Variants in P4HA1 observed in about 807,000 individuals in gnomAD.
The protein encoded by P4HA1 is prolyl 4-hydroxylase subunit alpha-1.
In P4HA1, 24 loss-of-function variants were observed where a neutral mutation model predicts 72.8. That is an observed-to-expected ratio of 0.33 (90% confidence interval 0.24 to 0.46). The LOEUF (loss-of-function observed/expected upper bound fraction) is 0.46. Ranked by LOEUF, P4HA1 falls within the 20% of genes least tolerant of loss-of-function variation. P4HA1 has a pLI of 1.00. For missense variants in P4HA1, 446 were observed against 640.6 expected (o/e 0.70, Z 3.28); for synonymous variants, 201 against 218.8 (o/e 0.92, Z 0.72).
At chr10:73,065,899 C>G (rs1291909946) in intron 5 of P4HA1, among the ~76,000 whole-genome samples, 2 of 151,932 alleles carry the variant, frequency 1.3e-5, no homozygotes, top group African/African-American at 2.4e-5. Flanking sequence ...TTAGATGAAT[C>G]TGATCAACAC....
At chr10:73,048,425 G>A (rs1448394603) in intron 7 of P4HA1, among the ~76,000 whole-genome samples, 1 of 152,116 alleles carries the variant, frequency 6.6e-6, no homozygotes, top group Non-Finnish European at 1.5e-5. Flanking sequence ...CACCATGCTC[G>A]GCTAACTTTT....
chr10:73,034,206 C>T (rs1211010417), intron 9 of P4HA1, among the ~76,000 whole-genome samples: 1 of 151,986 alleles, frequency 6.6e-6, no homozygotes, highest in Non-Finnish European at 1.5e-5. Flanking sequence ...AGAATGAGAA[C>T]CTATCTCTAA....
chr10:73,069,220 G>T (rs991111759), intron 4 of P4HA1, among the ~76,000 whole-genome samples: 7 of 152,134 alleles, frequency 4.6e-5, no homozygotes, highest in Non-Finnish European at 1.0e-4. Flanking sequence ...TATATAAATT[G>T]TATCTGTATT....
At position 73,074,920 on chromosome 10, in the gene P4HA1, A is replaced by G. The variant is rs1301641453; in HGVS notation, c.-32-5T>C. The G allele has an allele frequency of 8.9e-6, 8 of 902,422 alleles. No homozygotes were observed. The highest frequency in any genetic ancestry group is 1.4e-5 in the Non-Finnish European group (8 of 557,420). The allele number at this position is 902,422 out of a possible 1,614,324, so 55.9% of individuals were successfully genotyped here. A position where few individuals can be genotyped will look rare whatever the true frequency, so the allele number is the denominator to read the frequency against. ...TAATTTTACAGGATCACACACCTAC[A>G]AAAGAAAGAGAGAAATGCAGCCATT... On this transcript the variant is annotated splice_polypyrimidine_tract_variant and splice_region_variant and intron_variant, in intron 1 of 14. Coordinates refer to ENST00000394890, the MANE Select transcript of P4HA1 (RefSeq NM_001017962.3).
intron 1 of P4HA1, among the ~76,000 whole-genome samples, chr10:73,093,891 TATATATATATATATATACAC>T (rs1239983758): frequency 1.3e-4 from 11 of 82,810 alleles, no homozygotes; most frequent in African/African-American, 4.7e-4. Flanking sequence ...TATATATATA[TATATATATATATATATACAC>T]ACACACACAC....
intron 9 of P4HA1, chr10:73,044,009 G>T: frequency 7.0e-7 from 1 of 1,432,914 alleles, no homozygotes. Context: ...GGCAATTTTG[G>T]GCTTTTTGTT....
At chr10:73,075,355 C>T (rs1183645455) in intron 1 of P4HA1, among the ~76,000 whole-genome samples, 4 of 152,242 alleles carry the variant, frequency 2.6e-5, no homozygotes, top group Middle Eastern at 3.4e-3. Context: ...GTTATCCACC[C>T]GCCTCAGCCT....
chr10:73,073,701 A>AGAGTC, intron 3 of P4HA1, 30 bp downstream of exon 3: 1 of 968,198 alleles, frequency 1.0e-6, no homozygotes, highest in Non-Finnish European at 1.7e-6. Flanking sequence ...AGGTTGAGTC[A>AGAGTC]GAGTCATAAT....
chr10:73,078,511 A>G (rs1277777225), intron 1 of P4HA1, among the ~76,000 whole-genome samples: 1 of 152,162 alleles, frequency 6.6e-6, no homozygotes, highest in Non-Finnish European at 1.5e-5. Context: ...AGAAAAATTA[A>G]CATCATAATA....
At chr10:73,040,476 A>ATT (rs1217054869) in intron 9 of P4HA1, among the ~76,000 whole-genome samples, 1,302 of 123,552 alleles carry the variant, frequency 0.011, 30 homozygotes, top group African/African-American at 0.042. Flanking sequence ...GAATTCATGA[A>ATT]TTTTTTTTTT....
Position 73,020,272 on chromosome 10 carries a change from GCACA to G in P4HA1, c.1249-3377_1249-3374del, listed in dbSNP as rs541717651. ...CAGAGATTATTATGAACACCTCTATGCACACAAACTTTTATAAAAAACCTAGAAG... is the reference window on the plus strand; with the variant it reads ...CAGAGATTATTATGAACACCTCTATGCAAACTTTTATAAAAAACCTAGAAG... On this transcript the variant is annotated intron_variant, in intron 10 of 14. Transcript: ENST00000394890. 4.7e-3 allele frequency among the ~76,000 whole-genome samples: 709 copies of G among 152,090 alleles called. 7 individuals carry two copies. The highest frequency in any genetic ancestry group is 0.016 in the African/African-American group (665 of 41,496).
chr10:73,013,755 T>C (rs993138935), intron 12 of P4HA1, among the ~76,000 whole-genome samples: 1 of 152,162 alleles, frequency 6.6e-6, no homozygotes, highest in Non-Finnish European at 1.5e-5. Context: ...GGTTGTAATA[T>C]GCTATTTCTT....
chr10:73,093,139 A>G (rs544496085), intron 1 of P4HA1, among the ~76,000 whole-genome samples: 59 of 150,026 alleles, frequency 3.9e-4, no homozygotes, highest in Middle Eastern at 3.4e-3. Flanking sequence ...AAAAAAAAAG[A>G]GAGAGTAAGG....
rs182235000 is a variant in P4HA1, at chr10:73,060,604, G to A, written c.464-7014C>T. On this transcript the variant is annotated intron_variant, in intron 5 of 14. Coordinates refer to ENST00000394890, the MANE Select transcript of P4HA1 (RefSeq NM_001017962.3). ...ATCTCTTAAGGGGGGAAAAAGAAGGGCCAAGGCTCATTGAAGAAATGCCTA... is the reference window on the plus strand; with the variant it reads ...ATCTCTTAAGGGGGGAAAAAGAAGGACCAAGGCTCATTGAAGAAATGCCTA... 3.0e-4 allele frequency among the ~76,000 whole-genome samples: 45 copies of A among 152,178 alleles called. No homozygotes were observed. The East Asian group carries it at 8.5e-3, about 29-fold the overall frequency.
intron 9 of P4HA1, among the ~76,000 whole-genome samples, chr10:73,030,708 ACGTTCTTTCC>A (rs1463408274): frequency 2.0e-5 from 3 of 152,154 alleles, no homozygotes; most frequent in Non-Finnish European, 4.4e-5. Context: ...AAACAAAACA[ACGTTCTTTCC>A]AGGTAAGGTA....
intron 5 of P4HA1, among the ~76,000 whole-genome samples, chr10:73,059,423 TTAAAAAAAAAAAA>T (rs1841249458): frequency 1.3e-4 from 6 of 47,580 alleles, no homozygotes; most frequent in African/African-American, 5.4e-4. Flanking sequence ...GACAATATAT[TTAAAAAAAAAAAA>T]AAAAAAAAAA....
At chr10:73,092,059 ATC>A (rs1842041954) in intron 1 of P4HA1, among the ~76,000 whole-genome samples, 1 of 152,188 alleles carries the variant, frequency 6.6e-6, no homozygotes, top group Admixed American at 6.5e-5. Context: ...GTCTTCAATT[ATC>A]TGTTTACTCT....
At chr10:73,022,111 C>T (rs1278196606) in intron 10 of P4HA1, among the ~76,000 whole-genome samples, 1 of 152,328 alleles carries the variant, frequency 6.6e-6, no homozygotes, top group Middle Eastern at 3.4e-3. Flanking sequence ...CTTAAACGTC[C>T]CTGTCTGACA....
At chr10:73,077,535 T>C (rs1357265087) in intron 1 of P4HA1, among the ~76,000 whole-genome samples, 1 of 152,110 alleles carries the variant, frequency 6.6e-6, no homozygotes, top group Non-Finnish European at 1.5e-5. Context: ...TTCAAAACAA[T>C]CGTAAAAAGA....
Sources: gnomAD v4.1 joint callset for allele counts (sites outside exome capture counted in the v4.1 genomes callset) on GRCh38, gnomAD v4.1.1 for gene constraint, MANE v1.5 for transcripts, NCBI Gene and HGNC (gene_info 2026-07-23, HGNC 2026-07-21) for gene names.